The following CHRM1 variants were observed in gnomAD, a reference collection of about 807,000 sequenced individuals.
CHRM1 encodes cholinergic receptor muscarinic 1.
CHRM1 carries 5 observed loss-of-function variants against 31.6 expected under a neutral mutation model. The observed-to-expected ratio is 0.16, with a 90% CI of 0.08 to 0.33. CHRM1 has a LOEUF of 0.33. CHRM1 is among the 10% of genes least tolerant of loss of function. CHRM1 has a pLI of 1.00. For missense variants in CHRM1, 338 were observed against 610.3 expected, an observed-to-expected ratio of 0.55 and a Z score of 4.70; for synonymous variants, 227 against 249.7, an observed-to-expected ratio of 0.91 and a Z score of 0.86.
intron 1 of CHRM1, among the ~76,000 whole-genome samples, chr11:62,919,055 C>G (rs982968448): frequency 3.3e-5 from 5 of 151,926 alleles, no homozygotes; most frequent in African/African-American, 1.2e-4. Context: ...TGGGGTTGGG[C>G]ACCTGAGGCC....
In CHRM1 at chr11:62,912,919, G is replaced by A. The variant is rs551838288; in HGVS notation, c.-78-1741C>T. On this transcript the variant is annotated intron_variant, in intron 1 of 1. Transcript: ENST00000306960. Reference sequence around the variant, plus strand: ...GGCACCTGGCCTGTGACAGGCTGCTGTGATAGGTGGCCTGGGTGGTTTGTG... The same window carrying A: ...GGCACCTGGCCTGTGACAGGCTGCTATGATAGGTGGCCTGGGTGGTTTGTG... Among the ~76,000 whole-genome samples the A allele has an allele frequency of 2.6e-5, 4 of 152,370 alleles. No individual in the cohort carries two copies. The East Asian group carries it at 7.7e-4, about 29-fold the overall frequency.
rs1345509116 is a variant in CHRM1 at position 62,909,197 on chromosome 11, A to C, written c.*521T>G. 1 of 164,494 alleles carries C rather than the reference A, an allele frequency of 6.1e-6. No individual in the cohort carries two copies. Among genetic ancestry groups the C allele is most frequent in the Non-Finnish European group, 1.3e-5 (1 of 74,860 alleles). 10.2% of individuals were successfully genotyped at this position (164,494 alleles called of 1,614,324 possible). ...AGGACATTTGTGGACAATCCTGGAG[A>C]GTATGCCTAGGGCCCAGGTGGGCGG... On this transcript the variant is annotated 3_prime_UTR_variant, in exon 2 of 2. Transcript: ENST00000306960.
At chr11:62,912,211 AC>A (rs1263041232) in intron 1 of CHRM1, among the ~76,000 whole-genome samples, 1 of 151,908 alleles carries the variant, frequency 6.6e-6, no homozygotes, top group Non-Finnish European at 1.5e-5. Flanking sequence ...TACTAAAAAT[AC>A]AAAAAATTAG....
At position 62,909,586 on chromosome 11, in the gene CHRM1, G is replaced by T; in HGVS notation, c.*132C>A. ...TGGCAGGGTCTCTCTGGGCTGCCCA[G>T]GAAGGTGACCCAGGGTCCTGGGAAG... On this transcript the variant is annotated 3_prime_UTR_variant, in exon 2 of 2. Transcript: ENST00000306960. 1 of 1,146,650 alleles carries T rather than the reference G, an allele frequency of 8.7e-7. No homozygotes were observed. Among genetic ancestry groups the T allele is most frequent in the Admixed American group, 2.4e-5 (1 of 42,410 alleles). The allele number at this position is 1,146,650 out of a possible 1,614,324, so 71.0% of individuals were successfully genotyped here.
rs2085868498 is a variant in CHRM1, at chr11:62,911,086, G to A, written c.15C>T (p.Ala5=). 2.8e-5 allele frequency: 45 copies of A among 1,613,880 alleles called. No homozygotes were observed. The highest frequency in any genetic ancestry group is 3.8e-5 in the Non-Finnish European group (45 of 1,179,960). Residue 5 remains alanine, a synonymous_variant, in exon 2 of 2, where the codon GCC becomes GCT. Transcript: ENST00000306960. The stretch of plus-strand genomic sequence containing the variant: ...TGATGTTGGGGCTGACAGCAGGTGG[G>A]GCTGAAGTGTTCATGGTGGCTAGGT... MNTS[A]PPAVSPNITV...
chr11:62,910,981 C>A lies in CHRM1; in HGVS notation c.120G>T (p.Val40=), dbSNP rs752027390. The A allele has an allele frequency of 6.2e-7, 1 of 1,614,180 alleles. No homozygotes were observed. The highest frequency in any genetic ancestry group is 8.5e-7 in the Non-Finnish European group (1 of 1,180,040). The change falls in exon 2 of 2, where the codon GTG becomes GTT. Residue 40 remains valine (V), a synonymous_variant. Coordinates refer to ENST00000306960, the MANE Select transcript of CHRM1 (RefSeq NM_000738.3). The surrounding 1 kb of genome is among the most constrained non-coding windows in gnomAD (Gnocchi z 8.7). ...ITTGLLSLAT[V]TGNLLVLISF... ...AGATGAGTACCAGCAGGTTGCCTGT[C>A]ACTGTGGCTAGCGACAGGAGGCCCG...
intron 1 of CHRM1, chr11:62,920,707 TG>T (rs2085928638): frequency 6.6e-6 from 1 of 152,088 alleles, no homozygotes; most frequent in African/African-American, 2.4e-5. Flanking sequence ...GCCAGCAGCC[TG>T]ATTCAGTCCA....
chr11:62,916,101 C>T (rs1287325916), intron 1 of CHRM1, among the ~76,000 whole-genome samples: 2 of 152,200 alleles, frequency 1.3e-5, no homozygotes, highest in Non-Finnish European at 2.9e-5. Context: ...TGAGCCACAG[C>T]ACCCGGCCCT....
intron 1 of CHRM1, among the ~76,000 whole-genome samples, chr11:62,913,001 G>A (rs1337752297): frequency 6.6e-6 from 1 of 152,204 alleles, no homozygotes; most frequent in East Asian, 1.9e-4. Context: ...GTCACTGACA[G>A]CGTGGCGAGT....
intron 1 of CHRM1, among the ~76,000 whole-genome samples, chr11:62,915,089 C>T (rs1451640675): frequency 6.9e-6 from 1 of 144,824 alleles, no homozygotes; most frequent in Non-Finnish European, 1.5e-5. Flanking sequence ...GCAGGAGGAT[C>T]ACTTGAGCCC....
rs201075402 is a variant in CHRM1, at chr11:62,911,059, G to A, written c.42C>T (p.Thr14=). Residue 14 remains threonine (T), a synonymous_variant, in exon 2 of 2, where the codon ACC becomes ACT. Coordinates refer to ENST00000306960, the MANE Select transcript of CHRM1 (RefSeq NM_000738.3). ...AGGGACCCTTTCCTGGTGCCAGGAC[G>A]GTGATGTTGGGGCTGACAGCAGGTG... ...SAPPAVSPNI[T]VLAPGKGPWQ... 9.9e-6 allele frequency: 16 copies of A among 1,613,988 alleles called. No individual in the cohort carries two copies. The highest frequency in any genetic ancestry group is 5.3e-5 in the African/African-American group (4 of 74,898).
rs955743932 is a variant in CHRM1, at chr11:62,909,568, G to A, written c.*150C>T. On this transcript the variant is annotated 3_prime_UTR_variant, in exon 2 of 2. Transcript: ENST00000306960. ...TAGCGAAGTCTGGAAAGTTGGCAGG[G>A]TCTCTCTGGGCTGCCCAGGAAGGTG... The A allele has an allele frequency of 2.3e-5, 21 of 924,924 alleles. No individual in the cohort carries two copies. The Admixed American group carries it at 2.8e-4, about 12-fold the overall frequency. 57.3% of individuals were successfully genotyped at this position (924,924 alleles called of 1,614,324 possible). A position where few individuals can be genotyped will look rare whatever the true frequency, so the allele number is the denominator to read the frequency against.
At position 62,909,362 on chromosome 11, in the gene CHRM1, C is replaced by T. The variant is rs2085854271; in HGVS notation, c.*356G>A. On this transcript the variant is annotated 3_prime_UTR_variant, in exon 2 of 2. Transcript: ENST00000306960. ...TGGGCCGCTGCTGGGCCAAGGAATA[C>T]TTAATGTTAAGCCTTCTTTCTCCTG... The T allele has an allele frequency of 8.0e-6, 2 of 249,754 alleles. No individual in the cohort carries two copies. The highest frequency in any genetic ancestry group is 1.5e-5 in the Non-Finnish European group (2 of 129,606). 15.5% of individuals were successfully genotyped at this position (249,754 alleles called of 1,614,324 possible). A position where few individuals can be genotyped will look rare whatever the true frequency, so the allele number is the denominator to read the frequency against.
At chr11:62,919,808 C>T (rs1004298652) in intron 1 of CHRM1, among the ~76,000 whole-genome samples, 5 of 152,176 alleles carry the variant, frequency 3.3e-5, no homozygotes, top group South Asian at 2.1e-4. Flanking sequence ...AGAAGGGGTC[C>T]GAGCCCCAGC....
At chr11:62,913,509 TA>T (rs1384233774) in intron 1 of CHRM1, among the ~76,000 whole-genome samples, 1 of 151,992 alleles carries the variant, frequency 6.6e-6, no homozygotes, top group African/African-American at 2.4e-5. Context: ...CTGTCTCTAC[TA>T]AAAATACAAA....
At chr11:62,914,264 T>C (rs185287374) in intron 1 of CHRM1, among the ~76,000 whole-genome samples, 1 of 151,906 alleles carries the variant, frequency 6.6e-6, no homozygotes, top group African/African-American at 2.4e-5. Context: ...ATTTTATAGA[T>C]AAGGAAGCTG....
rs777333908 is a variant in CHRM1, at chr11:62,910,329, G to T, written c.772C>A (p.Arg258Ser). Residue 258 changes from arginine (R) to serine (S), a missense_variant, in exon 2 of 2, where the codon CGC becomes AGC. This residue lies in a region of CHRM1 where 183 missense variants were observed against 223.4 expected (regional missense o/e 0.82). Transcript: ENST00000306960. This position sits in a 1 kb window ranked among gnomAD's most constrained non-coding sequence, Gnocchi z 8.7. ...GGGGCCCGGCAGCAGCGACAGCAGC[G>T]GCCTGGAGGAGTCTCTGGTGAGCCC... is the stretch of plus-strand genomic sequence containing the variant. ...AEGSPETPPGRCCRCCRAPRL... is the reference protein window; with the variant it reads ...AEGSPETPPGSCCRCCRAPRL... 1.9e-6 allele frequency: 3 copies of T among 1,610,388 alleles called. No individual in the cohort carries two copies. The highest frequency in any genetic ancestry group is 1.7e-6 in the Non-Finnish European group (2 of 1,179,984).
At chr11:62,913,255 G>T (rs191639132) in intron 1 of CHRM1, among the ~76,000 whole-genome samples, 3 of 152,332 alleles carry the variant, frequency 2.0e-5, no homozygotes, top group South Asian at 2.1e-4. Flanking sequence ...CTCTTTTCAG[G>T]TGATGAGGAT....
Position 62,910,029 on chromosome 11 carries a change from C to T in CHRM1, c.1072G>A (p.Val358Ile). 6.2e-7 allele frequency: 1 copy of T among 1,613,850 alleles called. No homozygotes were observed. The highest frequency in any genetic ancestry group is 8.5e-7 in the Non-Finnish European group (1 of 1,180,002). The change falls in exon 2 of 2, where the codon GTC becomes ATC. Residue 358 changes from valine (V) to isoleucine (I), a missense_variant. Around this residue, in one of 4 missense-constraint regions of CHRM1, gnomAD observed 183 missense variants for 223.4 expected, o/e 0.82. Coordinates refer to ENST00000306960, the MANE Select transcript of CHRM1 (RefSeq NM_000738.3). This position sits in a 1 kb window ranked among gnomAD's most constrained non-coding sequence, Gnocchi z 8.7. The part of the protein sequence containing the change: ...QLAKRKTFSL[V>I]KEKKAARTLS... Reference sequence around the variant, plus strand: ...GTCCGAGCCGCCTTCTTCTCCTTGACCAGCGAGAAGGTCTTCCGCTTGGCC... The same window carrying T: ...GTCCGAGCCGCCTTCTTCTCCTTGATCAGCGAGAAGGTCTTCCGCTTGGCC...
Sources: allele counts gnomAD v4.1 joint callset (sites outside exome capture counted in the v4.1 genomes callset), GRCh38; gene constraint gnomAD v4.1.1; regional missense constraint gnomAD v4.1.1; non-coding constraint Gnocchi (gnomAD v3.1); transcripts MANE v1.5; gene names NCBI Gene and HGNC (gene_info 2026-07-23, HGNC 2026-07-21).